MCTP1: variants seen among roughly 807,000 people sequenced by gnomAD.
The protein encoded by MCTP1 is multiple C2 and transmembrane domain-containing protein 1.
A neutral mutation model predicts 120.6 loss-of-function variants in MCTP1; 69 were observed. The observed-to-expected ratio is 0.57, with a 90% confidence interval of 0.47 to 0.70. MCTP1 has a LOEUF of 0.70. MCTP1 is among the 30% of genes least tolerant of loss of function. The probability of loss-of-function intolerance (pLI) is 0.00; values close to 1 mark genes in which losing one functional copy is unlikely to be tolerated. For missense variants in MCTP1, 1,203 were observed against 1,248.8 expected, an observed-to-expected ratio of 0.96 and a Z score of 0.55; for synonymous variants, 529 against 493.1, an observed-to-expected ratio of 1.07 and a Z score of -0.96.
At chr5:95,214,417 G>C (rs1291158365) in intron 1 of MCTP1, among the ~76,000 whole-genome samples, 4 of 151,962 alleles carry the variant, frequency 2.6e-5, no homozygotes, top group African/African-American at 9.7e-5. Context: ...ACTGTTGGTG[G>C]GACTGTAAAC....
At chr5:94,850,511 C>T (rs153844) in intron 17 of MCTP1, among the ~76,000 whole-genome samples, 141,304 of 152,212 alleles carry the variant, frequency 0.93, 65,771 homozygotes, top group African/African-American at 0.98. Context: ...AGGGGGAAAA[C>T]AGGTAAACAA....
At chr5:95,023,101 C>G (rs1581889827) in intron 1 of MCTP1, among the ~76,000 whole-genome samples, 2 of 152,122 alleles carry the variant, frequency 1.3e-5, no homozygotes, top group Admixed American at 1.3e-4. Flanking sequence ...GACTGATATA[C>G]AGTGAGGCCC....
Position 94,870,957 on chromosome 5 carries a change from T to C in MCTP1, c.2156A>G (p.Gln719Arg). The C allele has an allele frequency of 6.2e-7, 1 of 1,613,148 alleles. No individual in the cohort carries two copies. Among genetic ancestry groups the C allele is most frequent in the South Asian group, 1.1e-5 (1 of 91,070 alleles). ...CTTGTTTTTCAAGACGTAGGCTTTC[T>C]GTTCACCATTTTGAATCTGCGGGAA... is the stretch of plus-strand genomic sequence containing the variant. Reference protein sequence around the residue: ...IPLLSIQNGEQKAYVLKNKQL... With the variant: ...IPLLSIQNGERKAYVLKNKQL... The change falls in exon 15 of 23, where the codon CAG becomes CGG. Residue 719 changes from glutamine (Q) to arginine (R), a missense_variant. Transcript: ENST00000515393.
chr5:95,109,665 T>C (rs919400169), intron 1 of MCTP1, among the ~76,000 whole-genome samples: 4 of 152,168 alleles, frequency 2.6e-5, no homozygotes, highest in Admixed American at 1.3e-4. Flanking sequence ...GAAAATAATA[T>C]AGAAGACAAA....
At chr5:94,739,158 T>C (rs1191606231) in intron 19 of MCTP1, 1 of 152,230 alleles carries the variant, frequency 6.6e-6, no homozygotes, top group Non-Finnish European at 1.5e-5. Flanking sequence ...CACTTTGTAT[T>C]TGCAGGTTGG....
intron 17 of MCTP1, among the ~76,000 whole-genome samples, chr5:94,832,609 A>AACACACACACAC (rs59233492): frequency 3.3e-4 from 49 of 147,234 alleles, no homozygotes; most frequent in African/African-American, 1.2e-3. Context: ...GGGCTAGCTG[A>AACACACACACAC]ACACACACAC....
chr5:94,811,700 A>G (rs1474209158), intron 17 of MCTP1, among the ~76,000 whole-genome samples: 1 of 152,240 alleles, frequency 6.6e-6, no homozygotes, highest in Non-Finnish European at 1.5e-5. Flanking sequence ...ATTAGTCCGC[A>G]AAACAGATGA....
chr5:94,842,139 G>T (rs1377936912), intron 17 of MCTP1, among the ~76,000 whole-genome samples: 2 of 152,312 alleles, frequency 1.3e-5, no homozygotes, highest in African/African-American at 4.8e-5. Flanking sequence ...TTTAGTTGCT[G>T]CAGTGCTTAA....
chr5:95,102,235 G>A (rs1756787663), intron 1 of MCTP1, among the ~76,000 whole-genome samples: 1 of 152,138 alleles, frequency 6.6e-6, no homozygotes, highest in Admixed American at 6.5e-5. Context: ...AACCAGCTGA[G>A]CAAGCCAGCT....
intron 10 of MCTP1, 78 bp downstream of exon 10, chr5:94,909,173 C>T: frequency 6.7e-7 from 1 of 1,487,244 alleles, no homozygotes; most frequent in Admixed American, 1.9e-5. Context: ...AGATCATTTA[C>T]AATAACCAGG....
At chr5:95,113,482 A>G (rs540364811) in intron 1 of MCTP1, among the ~76,000 whole-genome samples, 1 of 152,266 alleles carries the variant, frequency 6.6e-6, no homozygotes, top group South Asian at 2.1e-4. Flanking sequence ...AAGTGGGAGC[A>G]CACAGAAATT....
intron 2 of MCTP1, among the ~76,000 whole-genome samples, chr5:94,955,714 A>G (rs112278323): frequency 0.015 from 2,299 of 152,274 alleles, 62 homozygotes; most frequent in African/African-American, 0.053. Flanking sequence ...CTGCCTCTCT[A>G]CATTCCTCCT....
intron 11 of MCTP1, among the ~76,000 whole-genome samples, chr5:94,890,591 TAC>T (rs1183599220): frequency 6.6e-6 from 1 of 152,214 alleles, no homozygotes. Flanking sequence ...TTCTTAAATT[TAC>T]AGTTTTATTT....
In MCTP1 at chr5:95,130,682, C is replaced by T. The variant is rs74934291; in HGVS notation, c.721-113198G>A. ...TTGGCTTGTCGATGGCTGTCTTCTC[C>T]CTGTGTCCCTCTGTGTGTCTGTGGC... is the stretch of plus-strand genomic sequence containing the variant. On this transcript the variant is annotated intron_variant, in intron 1 of 22. Coordinates refer to ENST00000515393, the MANE Select transcript of MCTP1 (RefSeq NM_024717.7). 4.8e-3 allele frequency among the ~76,000 whole-genome samples: 730 copies of T among 152,222 alleles called. 11 individuals are homozygous for T. The highest frequency in any genetic ancestry group is 0.017 in the African/African-American group (698 of 41,540).
intron 2 of MCTP1, among the ~76,000 whole-genome samples, chr5:94,967,017 G>A (rs541805988): frequency 6.6e-6 from 1 of 152,290 alleles, no homozygotes; most frequent in South Asian, 2.1e-4. Context: ...GGGTTTCTCT[G>A]CAGTTATTGG....
chr5:94,737,215 T>A (rs1211386611), intron 19 of MCTP1, among the ~76,000 whole-genome samples: 1 of 152,054 alleles, frequency 6.6e-6, no homozygotes, highest in Non-Finnish European at 1.5e-5. Flanking sequence ...GGTAGAATAT[T>A]TTTATCTCAG....
At chr5:94,845,378 A>G (rs1380894848) in intron 17 of MCTP1, among the ~76,000 whole-genome samples, 3 of 152,186 alleles carry the variant, frequency 2.0e-5, no homozygotes, top group Non-Finnish European at 4.4e-5. Flanking sequence ...TCACGAGGAC[A>G]CCATGGGAAA....
rs1452384679 is a variant in MCTP1, at chr5:94,706,343, A to ATAGAT, written c.*1148_*1152dup. 1 of 151,674 alleles carries ATAGAT rather than the reference A, an allele frequency of 6.6e-6. No individual in the cohort carries two copies. The highest frequency in any genetic ancestry group is 1.5e-5 in the Non-Finnish European group (1 of 67,770). The allele number at this position is 151,674 out of a possible 1,614,324, so 9.4% of individuals were successfully genotyped here. A position where few individuals can be genotyped will look rare whatever the true frequency, so the allele number is the denominator to read the frequency against. The stretch of plus-strand genomic sequence containing the variant: ...AGTCTTGGGAATGCAATTTTTAAGT[A>ATAGAT]TAGATTCTATGATAATAGTGAAACA... On this transcript the variant is annotated 3_prime_UTR_variant, in exon 23 of 23. Coordinates refer to ENST00000515393, the MANE Select transcript of MCTP1 (RefSeq NM_024717.7).
At chr5:94,794,825 G>C (rs975553088) in intron 18 of MCTP1, among the ~76,000 whole-genome samples, 2 of 152,174 alleles carry the variant, frequency 1.3e-5, no homozygotes, top group African/African-American at 4.8e-5. Flanking sequence ...AGTGGTGTGG[G>C]AAAATTAATA....
Sources: allele counts gnomAD v4.1 joint callset (sites outside exome capture counted in the v4.1 genomes callset), GRCh38; gene constraint gnomAD v4.1.1; transcripts MANE v1.5; gene names NCBI Gene and HGNC (gene_info 2026-07-23, HGNC 2026-07-21).